Variants in PCLO observed in about 807,000 individuals in gnomAD.
PCLO encodes protein piccolo.
Under a neutral mutation model 427.5 loss-of-function variants are expected in PCLO, and 82 were observed. That is an observed-to-expected ratio of 0.19 (90% CI 0.16 to 0.23). PCLO has a LOEUF of 0.23. Ranked by LOEUF, PCLO falls within the 10% of genes least tolerant of loss-of-function variation. PCLO has a pLI of 1.00. For synonymous variants in PCLO, 2,357 were observed against 2,155.4 expected, an observed-to-expected ratio of 1.09 and a Z score of -2.59; for missense variants, 6,239 against 6,115.9, an observed-to-expected ratio of 1.02 and a Z score of -0.67.
intron 3 of PCLO, among the ~76,000 whole-genome samples, chr7:83,133,871 T>C (rs2116611206): frequency 6.6e-6 from 1 of 152,068 alleles, no homozygotes; most frequent in South Asian, 2.1e-4. Context: ...AAACCTTTTA[T>C]CTGGAGTTTA....
At chr7:83,028,939 C>T (rs200443625) in intron 3 of PCLO, among the ~76,000 whole-genome samples, 2 of 151,950 alleles carry the variant, frequency 1.3e-5, no homozygotes, top group Admixed American at 6.6e-5. Flanking sequence ...CTTCCTTACA[C>T]CTTATACAAA....
Position 82,955,867 on chromosome 7 carries a change from C to G in PCLO, c.5086G>C (p.Glu1696Gln). 4 of 1,613,880 alleles carry G rather than the reference C, an allele frequency of 2.5e-6. No homozygotes were observed. The highest frequency in any genetic ancestry group is 3.4e-6 in the Non-Finnish European group (4 of 1,179,842). ...AGGCTTTCCATTTCCAATTCTGGCT[C>G]TTCGTCAAAATACAAACTTGTTTTT... The part of the protein sequence containing the change: ...QKKTSLYFDE[E>Q]PELEMESLTD... The change falls in exon 5 of 25, where the codon GAG (glutamate) becomes CAG (glutamine). Residue 1696 changes from glutamate (E) to glutamine (Q), a missense_variant. Glu to Gln is a conservative substitution (Grantham distance 29). Coordinates refer to ENST00000333891, the MANE Select transcript of PCLO (RefSeq NM_033026.6).
chr7:82,764,105 T>C (rs1790484109), intron 22 of PCLO, among the ~76,000 whole-genome samples: 1 of 151,974 alleles, frequency 6.6e-6, no homozygotes, highest in South Asian at 2.1e-4. Context: ...AAATGTCATA[T>C]TTATGACAAA....
intron 3 of PCLO, among the ~76,000 whole-genome samples, chr7:83,096,967 A>AATATAT (rs1790582847): frequency 2.3e-5 from 1 of 44,096 alleles, no homozygotes; most frequent in African/African-American, 1.4e-4. Flanking sequence ...ATATAATATA[A>AATATAT]TATATTATAT....
At chr7:82,930,644 T>G (rs1317193451) in intron 6 of PCLO, among the ~76,000 whole-genome samples, 1 of 152,188 alleles carries the variant, frequency 6.6e-6, no homozygotes, top group East Asian at 1.9e-4. Context: ...GGTAGATAAT[T>G]TCTTACCTAA....
chr7:82,883,531 TA>T (rs562947616), intron 9 of PCLO, among the ~76,000 whole-genome samples: 15 of 149,524 alleles, frequency 1.0e-4, no homozygotes, highest in Admixed American at 7.3e-4. Flanking sequence ...GGTCAGTATT[TA>T]AAAAAAAATT....
At chr7:82,839,986 C>A (rs890041522) in intron 14 of PCLO, among the ~76,000 whole-genome samples, 2 of 151,958 alleles carry the variant, frequency 1.3e-5, no homozygotes, top group Non-Finnish European at 2.9e-5. Flanking sequence ...TAAATTTCAA[C>A]TACAGAATTA....
intron 6 of PCLO, among the ~76,000 whole-genome samples, chr7:82,932,889 T>A (rs1340571916): frequency 6.6e-6 from 1 of 152,234 alleles, no homozygotes; most frequent in Non-Finnish European, 1.5e-5. Flanking sequence ...TACACTGTAA[T>A]AGAAAACTAA....
Position 82,915,136 on chromosome 7 carries a change from T to C in PCLO, c.12850A>G (p.Ser4284Gly), listed in dbSNP as rs755411084. 2 of 1,591,082 alleles carry C rather than the reference T, an allele frequency of 1.3e-6. No homozygotes were observed. The highest frequency in any genetic ancestry group is 8.6e-7 in the Non-Finnish European group (1 of 1,167,732). ...ALQDEADKPY[S>G]SGSRSRPSSR... ...GAAGGTCTGGACCTGCTGCCACTACTGTATGGCTTATCCGCTTCATCCTGC... is the reference window on the plus strand; with the variant it reads ...GAAGGTCTGGACCTGCTGCCACTACCGTATGGCTTATCCGCTTCATCCTGC... Residue 4284 changes from serine (S) to glycine (G), a missense_variant, in exon 7 of 25, where the codon AGT (serine) becomes GGT (glycine). Physicochemically the swap from Ser to Gly is moderately conservative, Grantham distance 56. This residue lies in a region of PCLO where 680 missense variants were observed against 677.3 expected (regional missense o/e 1.00). Coordinates refer to ENST00000333891, the MANE Select transcript of PCLO (RefSeq NM_033026.6).
intron 3 of PCLO, among the ~76,000 whole-genome samples, chr7:83,093,885 T>C (rs2116452082): frequency 6.6e-6 from 1 of 150,796 alleles, no homozygotes; most frequent in East Asian, 2.0e-4. Context: ...TAAATTCAAA[T>C]GTTATTGCAA....
chr7:82,943,415 A>G (rs539507105), intron 6 of PCLO, among the ~76,000 whole-genome samples: 18 of 152,268 alleles, frequency 1.2e-4, no homozygotes, highest in African/African-American at 3.9e-4. Context: ...AGTAGTGTGT[A>G]CTATCATTGC....
At chr7:82,898,422 A>T (rs1045093739) in intron 9 of PCLO, among the ~76,000 whole-genome samples, 1 of 151,284 alleles carries the variant, frequency 6.6e-6, no homozygotes, top group Non-Finnish European at 1.5e-5. Flanking sequence ...TCCTAAATAA[A>T]TTTTTTCTTT....
chr7:82,939,752 A>C (rs1795037780), intron 6 of PCLO, among the ~76,000 whole-genome samples: 1 of 148,544 alleles, frequency 6.7e-6, no homozygotes, highest in Non-Finnish European at 1.5e-5. Context: ...AAATATGTAA[A>C]TATAAATATA....
intron 3 of PCLO, among the ~76,000 whole-genome samples, chr7:83,118,224 T>A (rs1459377097): frequency 6.6e-6 from 1 of 152,148 alleles, no homozygotes; most frequent in Non-Finnish European, 1.5e-5. Context: ...TGGAAGGTTA[T>A]TTTTATAACA....
intron 3 of PCLO, among the ~76,000 whole-genome samples, chr7:83,067,403 G>A (rs1735223326): frequency 1.3e-5 from 2 of 152,268 alleles, no homozygotes; most frequent in African/African-American, 4.8e-5. Flanking sequence ...TATTAATTCA[G>A]TTGATTGCTT....
intron 22 of PCLO, among the ~76,000 whole-genome samples, chr7:82,786,404 C>A (rs1790984334): frequency 1.3e-5 from 2 of 152,128 alleles, no homozygotes; most frequent in African/African-American, 4.8e-5. Flanking sequence ...AGTTTTAAAT[C>A]TTAAAAGTTT....
intron 2 of PCLO, among the ~76,000 whole-genome samples, chr7:83,145,581 T>A (rs1034810150): frequency 6.6e-6 from 1 of 152,192 alleles, no homozygotes; most frequent in Non-Finnish European, 1.5e-5. Flanking sequence ...TGTGCAAAAG[T>A]CATTTAAATT....
chr7:82,837,440 C>T (rs1352476386), intron 15 of PCLO, among the ~76,000 whole-genome samples: 1 of 151,866 alleles, frequency 6.6e-6, no homozygotes, highest in Non-Finnish European at 1.5e-5. Context: ...TTTATTTTAC[C>T]TCCATTTGTT....
At chr7:82,992,216 T>C (rs528693223) in intron 3 of PCLO, among the ~76,000 whole-genome samples, 28 of 152,270 alleles carry the variant, frequency 1.8e-4, no homozygotes, top group Admixed American at 7.9e-4. Context: ...CTAGTATCTC[T>C]GGCCTTTGTT....
Sources: gnomAD v4.1 joint callset for allele counts (sites outside exome capture counted in the v4.1 genomes callset) on GRCh38, gnomAD v4.1.1 for gene constraint, gnomAD v4.1.1 regional missense constraint, MANE v1.5 for transcripts, NCBI Gene and HGNC (gene_info 2026-07-23, HGNC 2026-07-21) for gene names.